The following GPCPD1 variants were observed in gnomAD, a reference collection of about 807,000 sequenced individuals.
GPCPD1 encodes the protein glycerophosphocholine phosphodiesterase 1, also known as glycerophosphocholine phosphodiesterase GPCPD1.
GPCPD1 carries 29 observed loss-of-function variants against 89.2 expected under a neutral mutation model. That is an observed-to-expected ratio of 0.33 (90% confidence interval 0.24 to 0.44). The LOEUF (loss-of-function observed/expected upper bound fraction) is 0.44. Among genes scored for constraint, GPCPD1 ranks in the 20% least tolerant of loss-of-function variants. The pLI is 1.00. For synonymous variants in GPCPD1, 258 were observed against 266.3 expected (o/e 0.97, Z 0.30); for missense variants, 594 against 808.9 (o/e 0.73, Z 3.22).
chr20:5,599,348 C>T (rs1001393652), intron 2 of GPCPD1, among the ~76,000 whole-genome samples: 1 of 151,902 alleles, frequency 6.6e-6, no homozygotes, highest in Admixed American at 6.6e-5. Context: ...TGCCTGTAAT[C>T]CCAGCTACTC....
intron 11 of GPCPD1, among the ~76,000 whole-genome samples, chr20:5,570,783 C>A (rs1441501264): frequency 1.3e-5 from 2 of 152,060 alleles, no homozygotes; most frequent in African/African-American, 4.8e-5. Context: ...ACAACAGAAA[C>A]AGGAAAAAGA....
intron 16 of GPCPD1, 52 bp downstream of exon 16, chr20:5,561,413 T>A (rs1600724009): frequency 1.0e-6 from 1 of 974,288 alleles, no homozygotes; most frequent in East Asian, 2.5e-5. Context: ...ATGAAAGAAT[T>A]TTTTAGATAG....
At chr20:5,599,922 C>G (rs571190678) in intron 2 of GPCPD1, among the ~76,000 whole-genome samples, 7 of 152,236 alleles carry the variant, frequency 4.6e-5, no homozygotes, top group African/African-American at 1.4e-4. Flanking sequence ...ACTTTAAAAG[C>G]CAACATAAAG....
intron 3 of GPCPD1, among the ~76,000 whole-genome samples, chr20:5,593,711 G>C (rs1236373451): frequency 6.6e-6 from 1 of 152,208 alleles, no homozygotes; most frequent in Non-Finnish European, 1.5e-5. Context: ...GTTTTAATGA[G>C]GAAGCGCTGT....
intron 11 of GPCPD1, 76 bp from the exon 12 acceptor site, chr20:5,570,315 T>C (rs912496440): frequency 1.3e-5 from 9 of 719,462 alleles, no homozygotes; most frequent in Middle Eastern, 2.4e-4. Context: ...ACGTAAGAAA[T>C]TTTTGTTCAC....
chr20:5,556,226 T>C (rs80257789), intron 19 of GPCPD1, among the ~76,000 whole-genome samples: 2 of 152,130 alleles, frequency 1.3e-5, no homozygotes, highest in South Asian at 4.1e-4. Flanking sequence ...ACTTTTTTTT[T>C]AGACAGAGTC....
chr20:5,585,815 T>C (rs1978882697), intron 5 of GPCPD1: 1 of 163,012 alleles, frequency 6.1e-6, no homozygotes, highest in South Asian at 2.0e-4. Context: ...TAAGAATCTT[T>C]GTTTTGGATT....
In GPCPD1 at chr20:5,593,323, A is replaced by G. The variant is rs1979465698; in HGVS notation, c.231+4T>C. The G allele has an allele frequency of 1.4e-6, 2 of 1,445,176 alleles. No homozygotes were observed. Among genetic ancestry groups the G allele is most frequent in the East Asian group, 2.3e-5 (1 of 44,036 alleles). The allele number at this position is 1,445,176 out of a possible 1,614,324, so 89.5% of individuals were successfully genotyped here. A position where few individuals can be genotyped will look rare whatever the true frequency, so the allele number is the denominator to read the frequency against. The stretch of plus-strand genomic sequence containing the variant: ...GAATTGGAAACTAGATAAAGAAAAC[A>G]TACCTTTGGTTCTAAAAAGTACCCT... On this transcript the variant is annotated splice_donor_region_variant and intron_variant, in intron 4 of 19. Transcript: ENST00000379019.
intron 4 of GPCPD1, among the ~76,000 whole-genome samples, chr20:5,588,587 G>A (rs1339452996): frequency 6.7e-6 from 1 of 149,512 alleles, no homozygotes; most frequent in Non-Finnish European, 1.5e-5. Context: ...CACTTAGGGA[G>A]GCCAAGGCAG....
Position 5,598,733 on chromosome 20 carries a change from T to C in GPCPD1, c.138A>G (p.Thr46=). Residue 46 remains threonine, a synonymous_variant, in exon 3 of 20, where the codon ACA becomes ACG. Coordinates refer to ENST00000379019, the MANE Select transcript of GPCPD1 (RefSeq NM_019593.5). ...CACATTTCCATACTCACCTTTCACC[T>C]GTGTCATTCTCTGGAAGAAGAGCCA... ...NAVALLPEND[T]GESMLWKATI... 1.3e-6 allele frequency: 2 copies of C among 1,593,880 alleles called. No homozygotes were observed. Among genetic ancestry groups the C allele is most frequent in the Non-Finnish European group, 1.7e-6 (2 of 1,161,496 alleles).
At chr20:5,575,375 T>G (rs1978286554) in intron 10 of GPCPD1, 38 bp downstream of exon 10, 1 of 1,499,600 alleles carries the variant, frequency 6.7e-7, no homozygotes, top group Admixed American at 1.8e-5. Context: ...GAACATAAGC[T>G]ACACCAAATG....
At chr20:5,576,243 AC>A (rs1978288469) in intron 8 of GPCPD1, among the ~76,000 whole-genome samples, 1 of 151,918 alleles carries the variant, frequency 6.6e-6, no homozygotes, top group South Asian at 2.1e-4. Flanking sequence ...ACATAGTGAA[AC>A]CCCGTTTCTA....
intron 3 of GPCPD1, among the ~76,000 whole-genome samples, chr20:5,595,795 A>G (rs1159193732): frequency 7.8e-6 from 1 of 128,820 alleles, no homozygotes; most frequent in African/African-American, 3.0e-5. Flanking sequence ...TGCTACCCCA[A>G]AAAGAAAAAA....
chr20:5,603,988 C>G (rs147828925), intron 2 of GPCPD1, among the ~76,000 whole-genome samples: 1 of 152,068 alleles, frequency 6.6e-6, no homozygotes, highest in African/African-American at 2.4e-5. Context: ...CTCAAGTGAT[C>G]TACCCGCCTC....
chr20:5,589,408 T>TA (rs1184030323), intron 4 of GPCPD1, among the ~76,000 whole-genome samples: 1 of 152,114 alleles, frequency 6.6e-6, no homozygotes, highest in Non-Finnish European at 1.5e-5. Flanking sequence ...GGTCGGGAGT[T>TA]AGAGAACAGC....
At chr20:5,594,295 CTTTTTT>C (rs879723218) in intron 3 of GPCPD1, among the ~76,000 whole-genome samples, 3 of 146,398 alleles carry the variant, frequency 2.0e-5, no homozygotes, top group Non-Finnish European at 4.5e-5. Flanking sequence ...CTCCAGGTAA[CTTTTTT>C]TTTTTTGAGA....
At chr20:5,569,039 T>C (rs974301458) in intron 12 of GPCPD1, among the ~76,000 whole-genome samples, 12 of 152,226 alleles carry the variant, frequency 7.9e-5, no homozygotes, top group Admixed American at 3.9e-4. Context: ...ACCTGTTCCA[T>C]GTGTTTGGTC....
chr20:5,577,715 G>C (rs1317207962), intron 8 of GPCPD1, among the ~76,000 whole-genome samples: 1 of 151,918 alleles, frequency 6.6e-6, no homozygotes, highest in Non-Finnish European at 1.5e-5. Context: ...AGTATAAATG[G>C]GTGTGGAGGT....
chr20:5,594,251 G>T lies in GPCPD1; in HGVS notation c.147-840C>A, dbSNP rs1393970022. ...AGACTTATTGAATTAGGAACTCTGG[G>T]GGTGGGGGCCCAGTAACCTGTATTT... On this transcript the variant is annotated intron_variant, in intron 3 of 19. Transcript: ENST00000379019. 2.0e-5 allele frequency among the ~76,000 whole-genome samples: 3 copies of T among 152,040 alleles called. 1 individual carries two copies. Among genetic ancestry groups the T allele is most frequent in the South Asian group, 2.1e-4 (1 of 4,826 alleles).
Sources: allele counts gnomAD v4.1 joint callset (sites outside exome capture counted in the v4.1 genomes callset), GRCh38; gene constraint gnomAD v4.1.1; transcripts MANE v1.5; gene names NCBI Gene and HGNC (gene_info 2026-07-23, HGNC 2026-07-21).